GLI3: variants seen among roughly 807,000 people sequenced by gnomAD.
The protein encoded by GLI3 is transcription activator GLI3.
In GLI3, 20 loss-of-function variants were observed where a neutral mutation model predicts 100.8. The ratio of observed to expected loss-of-function variants is 0.20; its 90% CI spans 0.14 to 0.29. The LOEUF (loss-of-function observed/expected upper bound fraction) is 0.29, where lower values mean the gene tolerates loss of function less well. GLI3 is among the 10% of genes least tolerant of loss of function. The probability of loss-of-function intolerance (pLI) is 1.00; values close to 1 mark genes in which losing one functional copy is unlikely to be tolerated. For synonymous variants in GLI3, 938 were observed against 860.5 expected (o/e 1.09, Z -1.58); for missense variants, 2,040 against 2,128.5 (o/e 0.96, Z 0.82).
intron 12 of GLI3, among the ~76,000 whole-genome samples, chr7:41,973,998 CTTACAGTGT>C (rs1787435702): frequency 6.6e-6 from 1 of 152,134 alleles, no homozygotes; most frequent in Admixed American, 6.5e-5. Flanking sequence ...GTGCCATTAC[CTTACAGTGT>C]TCTGACACAG....
rs78198527 is a variant in GLI3 at position 42,166,917 on chromosome 7, C to T, written c.125-18449G>A. Among the ~76,000 whole-genome samples the T allele has an allele frequency of 7.3e-3, 1,106 of 151,868 alleles. 20 individuals carry two copies. Among genetic ancestry groups the T allele is most frequent in the African/African-American group, 0.025 (1,017 of 41,372 alleles). On this transcript the variant is annotated intron_variant, in intron 2 of 14. Coordinates refer to ENST00000395925, the MANE Select transcript of GLI3 (RefSeq NM_000168.6). ...CTCGGCTCACTGCACCCTCTGCCTC[C>T]GGGGTTTGAGCAATTCTCCCACCTC...
At chr7:42,099,443 A>G (rs779965910) in intron 3 of GLI3, among the ~76,000 whole-genome samples, 3 of 152,274 alleles carry the variant, frequency 2.0e-5, no homozygotes, top group Non-Finnish European at 4.4e-5. Flanking sequence ...CGTTAACAGT[A>G]AACATATTTG....
chr7:41,965,153 C>T lies in GLI3; in HGVS notation c.3920G>A (p.Ser1307Asn), dbSNP rs1787126355. 3 of 1,613,828 alleles carry T rather than the reference C, an allele frequency of 1.9e-6. No individual in the cohort carries two copies. Among genetic ancestry groups the T allele is most frequent in the Non-Finnish European group, 1.7e-6 (2 of 1,180,036 alleles). ...LPVAPNESAG[S>N]MVNGMQNQDP... is the part of the protein sequence containing the mutation. Reference sequence around the variant, plus strand: ...CTGGTTCTGCATGCCATTCACCATGCTGCCAGCTGACTCATTTGGCGCTAC... The same window carrying T: ...CTGGTTCTGCATGCCATTCACCATGTTGCCAGCTGACTCATTTGGCGCTAC... The change falls in exon 15 of 15, where the codon AGC becomes AAC. Residue 1307 changes from serine to asparagine, a missense_variant. This residue lies in a region of GLI3 where 1,041 missense variants were observed against 924.0 expected (regional missense o/e 1.13). Coordinates refer to ENST00000395925, the MANE Select transcript of GLI3 (RefSeq NM_000168.6).
intron 2 of GLI3, among the ~76,000 whole-genome samples, chr7:42,180,820 T>C (rs76146271): frequency 0.025 from 3,764 of 152,340 alleles, 164 homozygotes; most frequent in African/African-American, 0.084. Flanking sequence ...AATTACCCTT[T>C]CTATTGTCTA....
chr7:42,222,586 G>A (rs1297910741), intron 2 of GLI3, among the ~76,000 whole-genome samples: 1 of 152,150 alleles, frequency 6.6e-6, no homozygotes, highest in Non-Finnish European at 1.5e-5. Context: ...TGTTATCTCT[G>A]AACACAAATA....
chr7:42,253,324 G>A (rs1009366942), intron 1 of GLI3, among the ~76,000 whole-genome samples: 8 of 152,214 alleles, frequency 5.3e-5, no homozygotes, highest in African/African-American at 1.9e-4. Flanking sequence ...TGCTCGGGGA[G>A]ACATCCAAGC....
At chr7:42,095,834 G>A (rs779142778) in intron 3 of GLI3, among the ~76,000 whole-genome samples, 56 of 152,122 alleles carry the variant, frequency 3.7e-4, no homozygotes, top group Non-Finnish European at 5.1e-4. Flanking sequence ...AGATGGAGGC[G>A]GGAGAGGCGA....
At position 42,048,557 on chromosome 7, in the gene GLI3, G is replaced by A. The variant is rs767832980; in HGVS notation, c.613C>T (p.Arg205Cys). 2.4e-5 allele frequency: 39 copies of A among 1,613,042 alleles called. No individual in the cohort carries two copies. Among genetic ancestry groups the A allele is most frequent in the South Asian group, 4.4e-5 (4 of 90,996 alleles). ...AGCGATGGGCTGCTGTGCAAGGAGC[G>A]GATATAGTCCATGTAGGGATTAATG... ...PYINPYMDYI[R>C]SLHSSPSLSM... The change falls in exon 5 of 15, where the codon CGC becomes TGC. Residue 205 changes from arginine to cysteine, a missense_variant. This residue lies in a region of GLI3 where 603 missense variants were observed against 690.9 expected (regional missense o/e 0.87). Coordinates refer to ENST00000395925, the MANE Select transcript of GLI3 (RefSeq NM_000168.6).
chr7:42,101,832 C>T (rs1332433648), intron 3 of GLI3, among the ~76,000 whole-genome samples: 1 of 105,932 alleles, frequency 9.4e-6, no homozygotes, highest in Non-Finnish European at 1.8e-5. Context: ...GCTATCCCTC[C>T]ACCCTCTCCC....
chr7:41,999,665 C>G (rs1788230155), intron 10 of GLI3, among the ~76,000 whole-genome samples: 1 of 152,198 alleles, frequency 6.6e-6, no homozygotes, highest in South Asian at 2.1e-4. Flanking sequence ...CTACACATGA[C>G]TAGAACAAGT....
rs199606102 is a variant in GLI3, at chr7:41,972,357, C to T, written c.2083G>A (p.Val695Ile). The T allele has an allele frequency of 1.6e-4, 252 of 1,614,010 alleles. 1 individual carries two copies. In the East Asian group the frequency reaches 4.8e-3, roughly 31 times the overall value. ...KREECLQVKT[V>I]KAEKPMTSQP... ...CATACCATTGGCTTCTCTGCCTTGACGGTTTTCACCTGGAGGCATTCTTCC... is the reference window on the plus strand; with the variant it reads ...CATACCATTGGCTTCTCTGCCTTGATGGTTTTCACCTGGAGGCATTCTTCC... Residue 695 changes from valine (V) to isoleucine (I), a missense_variant, in exon 13 of 15, where the codon GTC becomes ATC. Val to Ile is a conservative substitution (Grantham distance 29). This residue lies in a region of GLI3 where 327 missense variants were observed against 338.7 expected (regional missense o/e 0.97). Transcript: ENST00000395925. The surrounding 1 kb of genome is among the most constrained non-coding windows in gnomAD (Gnocchi z 4.4).
upstream of GLI3, among the ~76,000 whole-genome samples, chr7:42,240,026 A>G (rs1788908584): frequency 6.6e-6 from 1 of 152,076 alleles, no homozygotes; most frequent in African/African-American, 2.4e-5. Context: ...CAATCCCCCT[A>G]AGCCTTTCTC....
intron 4 of GLI3, among the ~76,000 whole-genome samples, chr7:42,076,464 T>C (rs1025034592): frequency 2.6e-5 from 4 of 152,240 alleles, no homozygotes; most frequent in African/African-American, 4.8e-5. Flanking sequence ...TAACTTTCCA[T>C]TAGGCTTTTA....
At chr7:42,077,209 AAC>A (rs1784898223) in intron 3 of GLI3, among the ~76,000 whole-genome samples, 1 of 152,178 alleles carries the variant, frequency 6.6e-6, no homozygotes, top group Non-Finnish European at 1.5e-5. Flanking sequence ...AAGAGATTAA[AAC>A]ACACTTATTT....
chr7:42,220,213 GA>G (rs1788459554), intron 2 of GLI3, among the ~76,000 whole-genome samples: 2 of 152,156 alleles, frequency 1.3e-5, no homozygotes, highest in Admixed American at 1.3e-4. Flanking sequence ...CTTTGTTAAA[GA>G]AAGCACAAGA....
At chr7:42,057,693 A>G (rs1179641375) in intron 4 of GLI3, among the ~76,000 whole-genome samples, 1 of 152,226 alleles carries the variant, frequency 6.6e-6, no homozygotes, top group East Asian at 1.9e-4. Context: ...GAAGCCCAGC[A>G]CCCATAAAAA....
intron 5 of GLI3, among the ~76,000 whole-genome samples, 155 bp downstream of exon 5, chr7:42,048,336 A>G (rs770110151): frequency 2.7e-5 from 4 of 146,112 alleles, no homozygotes; most frequent in Non-Finnish European, 5.9e-5. Context: ...AGGTGTTACA[A>G]AACTGAAACG....
intron 10 of GLI3, among the ~76,000 whole-genome samples, chr7:42,011,446 G>A (rs930188688): frequency 3.9e-5 from 6 of 152,188 alleles, no homozygotes; most frequent in African/African-American, 1.4e-4. Context: ...AGGTGTTCAA[G>A]CATGAACTTG....
Position 41,972,314 on chromosome 7 carries a change from C to G in GLI3, c.2103+23G>C, listed in dbSNP as rs755443240. ...CTTTTAAATGGGCCTGCTGTGAAGT[C>G]AGAAGGAGAGTGAATGACATACCAT... On this transcript the variant is annotated intron_variant, in intron 13 of 14. Coordinates refer to ENST00000395925, the MANE Select transcript of GLI3 (RefSeq NM_000168.6). This position sits in a 1 kb window ranked among gnomAD's most constrained non-coding sequence, Gnocchi z 4.4. 1.9e-6 allele frequency: 3 copies of G among 1,610,486 alleles called. No individual in the cohort carries two copies. Among genetic ancestry groups the G allele is most frequent in the Middle Eastern group, 1.8e-4 (1 of 5,628 alleles).
Sources: gnomAD v4.1 joint callset for allele counts (sites outside exome capture counted in the v4.1 genomes callset) on GRCh38, gnomAD v4.1.1 for gene constraint, gnomAD v4.1.1 regional missense constraint, Gnocchi (gnomAD v3.1) non-coding constraint, MANE v1.5 for transcripts, NCBI Gene and HGNC (gene_info 2026-07-23, HGNC 2026-07-21) for gene names.